MACROD2: variants seen among roughly 807,000 people sequenced by gnomAD.
MACROD2 encodes the protein ADP-ribose glycohydrolase MACROD2.
Under a neutral mutation model 70.4 loss-of-function variants are expected in MACROD2, and 36 were observed. The observed-to-expected ratio is 0.51, with a 90% CI of 0.39 to 0.68. The LOEUF (loss-of-function observed/expected upper bound fraction) is 0.68, where lower values mean the gene tolerates loss of function less well. Ranked by LOEUF, MACROD2 falls within the 30% of genes least tolerant of loss-of-function variation. The pLI, the probability that MACROD2 is intolerant of heterozygous loss-of-function variation, is 0.00. For synonymous variants in MACROD2, 172 were observed against 178.8 expected (o/e 0.96, Z 0.30); for missense variants, 496 against 538.4 (o/e 0.92, Z 0.78).
rs116107083 is a variant in MACROD2, at chr20:15,764,858, A to G, written c.646-97887A>G. Among the ~76,000 whole-genome samples, 440 of 152,212 alleles carry G rather than the reference A, an allele frequency of 2.9e-3. 3 individuals are homozygous for G. Among genetic ancestry groups the G allele is most frequent in the African/African-American group, 0.01 (422 of 41,534 alleles). ...TCTAAATTTCTCATCTCAGCCTACG[A>G]TGACCTTTATGATTTAGTCCCTGCT... is the stretch of plus-strand genomic sequence containing the variant. On this transcript the variant is annotated intron_variant, in intron 8 of 17. Transcript: ENST00000684519.
At chr20:14,915,000 T>A (rs1367697188) in intron 5 of MACROD2, among the ~76,000 whole-genome samples, 2 of 152,184 alleles carry the variant, frequency 1.3e-5, no homozygotes, top group African/African-American at 4.8e-5. Flanking sequence ...TAAAAAAGAA[T>A]CCTACTTTAT....
At chr20:15,074,910 C>A (rs2075646856) in intron 5 of MACROD2, among the ~76,000 whole-genome samples, 1 of 152,136 alleles carries the variant, frequency 6.6e-6, no homozygotes, top group Non-Finnish European at 1.5e-5. Flanking sequence ...CATAAGACAG[C>A]ATCTCTTCCA....
At chr20:15,147,847 G>T (rs979360547) in intron 5 of MACROD2, among the ~76,000 whole-genome samples, 6 of 152,012 alleles carry the variant, frequency 3.9e-5, no homozygotes, top group East Asian at 3.9e-4. Context: ...GGTAGGTAAA[G>T]GAAAAAGGGG....
At chr20:15,455,883 C>T (rs1031647318) in intron 7 of MACROD2, among the ~76,000 whole-genome samples, 3 of 152,098 alleles carry the variant, frequency 2.0e-5, no homozygotes, top group East Asian at 3.9e-4. Context: ...TCACCAGTCA[C>T]GCTGGCTCTC....
At chr20:14,005,934 A>G (rs963701596) in intron 2 of MACROD2, among the ~76,000 whole-genome samples, 8 of 152,166 alleles carry the variant, frequency 5.3e-5, no homozygotes, top group Non-Finnish European at 1.0e-4. Flanking sequence ...ATTTATAAAT[A>G]TATGTAAAGC....
intron 4 of MACROD2, among the ~76,000 whole-genome samples, chr20:14,494,391 T>G (rs1243426030): frequency 6.6e-6 from 1 of 152,104 alleles, no homozygotes; most frequent in Non-Finnish European, 1.5e-5. Context: ...AATTAAGCAT[T>G]TAACCTTTGT....
intron 8 of MACROD2, among the ~76,000 whole-genome samples, chr20:15,659,301 C>G (rs898193156): frequency 2.4e-5 from 3 of 124,376 alleles, no homozygotes; most frequent in Non-Finnish European, 4.8e-5. Context: ...CAAGATAGCA[C>G]AGCTTTTTTT....
At chr20:14,555,306 T>G (rs114298708) in intron 4 of MACROD2, among the ~76,000 whole-genome samples, 34 of 152,040 alleles carry the variant, frequency 2.2e-4, no homozygotes, top group Non-Finnish European at 2.4e-4. Context: ...CAAATTCTAG[T>G]AGTAGAATAT....
intron 5 of MACROD2, among the ~76,000 whole-genome samples, chr20:15,124,275 G>C (rs2076050771): frequency 6.6e-6 from 1 of 150,748 alleles, no homozygotes; most frequent in African/African-American, 2.4e-5. Context: ...TTATACTATA[G>C]GAAAGTAAGT....
intron 8 of MACROD2, among the ~76,000 whole-genome samples, chr20:15,773,263 A>T (rs2051667088): frequency 6.6e-6 from 1 of 152,066 alleles, no homozygotes; most frequent in Non-Finnish European, 1.5e-5. Flanking sequence ...CAGTTTTAAG[A>T]ATGTCACAGA....
intron 3 of MACROD2, among the ~76,000 whole-genome samples, chr20:14,490,588 G>A (rs930165619): frequency 6.6e-6 from 1 of 152,142 alleles, no homozygotes; most frequent in African/African-American, 2.4e-5. Context: ...CATGCTCAGA[G>A]AAGAGATTTT....
intron 4 of MACROD2, among the ~76,000 whole-genome samples, chr20:14,521,684 T>A (rs549327307): frequency 6.6e-6 from 1 of 152,280 alleles, no homozygotes; most frequent in African/African-American, 2.4e-5. Flanking sequence ...TAGTCATAGT[T>A]CTTTTTATAT....
At chr20:14,798,134 A>G (rs142959884) in intron 5 of MACROD2, among the ~76,000 whole-genome samples, 2 of 152,158 alleles carry the variant, frequency 1.3e-5, no homozygotes, top group East Asian at 3.9e-4. Flanking sequence ...GTTCTACAGC[A>G]TTTATTATTG....
intron 5 of MACROD2, among the ~76,000 whole-genome samples, chr20:14,971,064 G>A (rs1305604415): frequency 6.6e-6 from 1 of 152,154 alleles, no homozygotes; most frequent in Admixed American, 6.5e-5. Context: ...AAATGACGTA[G>A]TATTTGCATA....
intron 15 of MACROD2, among the ~76,000 whole-genome samples, chr20:15,989,497 A>G (rs1053728861): frequency 2.0e-5 from 3 of 152,238 alleles, no homozygotes; most frequent in African/African-American, 7.2e-5. Flanking sequence ...AAACACAACC[A>G]TAACTTCTAT....
At chr20:15,197,958 TC>T (rs2076620063) in intron 5 of MACROD2, among the ~76,000 whole-genome samples, 1 of 103,544 alleles carries the variant, frequency 9.7e-6, no homozygotes, top group Non-Finnish European at 2.0e-5. Context: ...TGGCCTGGCC[TC>T]CTTTTTTTTT....
intron 5 of MACROD2, among the ~76,000 whole-genome samples, chr20:15,021,343 CACACAGATGTATACACATGTGTGTAT>C (rs2075182101): frequency 8.0e-6 from 1 of 125,418 alleles, no homozygotes; most frequent in African/African-American, 3.1e-5. Context: ...TGTATGTATA[CACACAGATGTATACACATGTGTGTAT>C]GCATACGCAG....
chr20:15,844,448 C>T (rs975034724), intron 8 of MACROD2, among the ~76,000 whole-genome samples: 1 of 152,032 alleles, frequency 6.6e-6, no homozygotes, highest in Non-Finnish European at 1.5e-5. Flanking sequence ...TCATTTACTC[C>T]CCCAGATAGC....
At chr20:15,280,915 G>C (rs1345248179) in intron 6 of MACROD2, 1 of 152,210 alleles carries the variant, frequency 6.6e-6, no homozygotes, top group Admixed American at 6.5e-5. Flanking sequence ...ACCTAAGACT[G>C]GGTAATTGAT....
Sources: allele counts gnomAD v4.1 joint callset (sites outside exome capture counted in the v4.1 genomes callset), GRCh38; gene constraint gnomAD v4.1.1; transcripts MANE v1.5; gene names NCBI Gene and HGNC (gene_info 2026-07-23, HGNC 2026-07-21).